The following PTPRD variants were observed in gnomAD, a reference collection of about 807,000 sequenced individuals.
PTPRD encodes the protein receptor-type tyrosine-protein phosphatase delta.
In PTPRD, 34 loss-of-function variants were observed where a neutral mutation model predicts 214.5. The ratio of observed to expected loss-of-function variants is 0.16; its 90% confidence interval spans 0.12 to 0.21. PTPRD has a LOEUF of 0.21. PTPRD is among the 10% of genes least tolerant of loss of function. The pLI, the probability that PTPRD is intolerant of heterozygous loss-of-function variation, is 1.00. For missense variants in PTPRD, 2,545 were observed against 2,398.7 expected (o/e 1.06, Z -1.27); for synonymous variants, 1,128 against 845.7 (o/e 1.33, Z -5.79).
chr9:9,049,942 C>T (rs900056053), intron 10 of PTPRD, among the ~76,000 whole-genome samples: 1 of 152,202 alleles, frequency 6.6e-6, no homozygotes, highest in Non-Finnish European at 1.5e-5. Context: ...GTTCCTGAGT[C>T]ACTTCCCATT....
chr9:10,367,083 A>T (rs1417638614), intron 2 of PTPRD, among the ~76,000 whole-genome samples: 1 of 151,692 alleles, frequency 6.6e-6, no homozygotes, highest in East Asian at 1.9e-4. Context: ...CAAACATAAA[A>T]AAAAAAAAAA....
chr9:9,056,698 T>A (rs2099696859), intron 10 of PTPRD, among the ~76,000 whole-genome samples: 1 of 152,216 alleles, frequency 6.6e-6, no homozygotes, highest in Admixed American at 6.5e-5. Flanking sequence ...TATAAGCCAT[T>A]CAACGACACT....
At chr9:9,299,951 C>A (rs1405766624) in intron 9 of PTPRD, among the ~76,000 whole-genome samples, 1 of 149,778 alleles carries the variant, frequency 6.7e-6, no homozygotes, top group African/African-American at 2.5e-5. Context: ...TATTCCTCCA[C>A]AGTATGTACA....
chr9:8,988,796 T>G (rs1433145851), intron 11 of PTPRD, among the ~76,000 whole-genome samples: 1 of 152,064 alleles, frequency 6.6e-6, no homozygotes. Flanking sequence ...AGTTGGAAAT[T>G]TAATGTGCTT....
chr9:9,679,928 TTAAAA>T (rs1159932579), intron 7 of PTPRD, among the ~76,000 whole-genome samples: 1 of 151,874 alleles, frequency 6.6e-6, no homozygotes, highest in African/African-American at 2.4e-5. Flanking sequence ...AATAGCAAAA[TTAAAA>T]TAAGATATGC....
chr9:9,047,308 T>C (rs1208091268), intron 10 of PTPRD, among the ~76,000 whole-genome samples: 1 of 152,046 alleles, frequency 6.6e-6, no homozygotes, highest in Non-Finnish European at 1.5e-5. Context: ...GAATCAATAC[T>C]CTTAAAATGC....
chr9:9,899,454 A>AAT (rs1443452047), intron 5 of PTPRD, among the ~76,000 whole-genome samples: 2 of 152,134 alleles, frequency 1.3e-5, no homozygotes, highest in African/African-American at 4.8e-5. Flanking sequence ...AAAAAAGTTC[A>AAT]ATAACACAAT....
chr9:9,644,627 C>T (rs532264073), intron 7 of PTPRD, among the ~76,000 whole-genome samples: 6 of 152,122 alleles, frequency 3.9e-5, no homozygotes, highest in African/African-American at 1.4e-4. Flanking sequence ...GGAGGTTCCC[C>T]AGCAAAGGCC....
chr9:9,685,565 A>T (rs2154400248), intron 7 of PTPRD, among the ~76,000 whole-genome samples: 1 of 151,564 alleles, frequency 6.6e-6, no homozygotes, highest in South Asian at 2.1e-4. Context: ...AAAGAAAAAT[A>T]AATCTTAACA....
intron 3 of PTPRD, among the ~76,000 whole-genome samples, chr9:10,132,962 T>TCAAAAGG (rs753864227): frequency 1.3e-5 from 2 of 151,750 alleles, no homozygotes; most frequent in South Asian, 4.1e-4. Context: ...AGATTGTTAT[T>TCAAAAGG]TTGTAGCTTC....
At chr9:9,888,266 T>C (rs1279348290) in intron 5 of PTPRD, among the ~76,000 whole-genome samples, 2 of 152,174 alleles carry the variant, frequency 1.3e-5, no homozygotes, top group African/African-American at 2.4e-5. Flanking sequence ...AAGGTGTTCC[T>C]GTCAGATGAA....
At chr9:10,177,802 C>A (rs991357136) in intron 3 of PTPRD, among the ~76,000 whole-genome samples, 1 of 151,866 alleles carries the variant, frequency 6.6e-6, no homozygotes, top group Non-Finnish European at 1.5e-5. Flanking sequence ...TAAATACTGA[C>A]TCATCTGTAA....
In PTPRD at chr9:8,733,772, T is replaced by C; in HGVS notation, c.64+8A>G. On this transcript the variant is annotated splice_region_variant and intron_variant, in intron 12 of 45. Transcript: ENST00000381196. ...CACAGCCCCCTAGAGAAGGGGAGAA[T>C]GGCTTACTCTCAGCATCCGTGCGGA... 3 of 1,552,098 alleles carry C rather than the reference T, an allele frequency of 1.9e-6. No homozygotes were observed. Among genetic ancestry groups the C allele is most frequent in the South Asian group, 2.4e-5 (2 of 84,078 alleles).
At chr9:8,737,141 A>G (rs1034436821) in intron 11 of PTPRD, among the ~76,000 whole-genome samples, 4 of 152,192 alleles carry the variant, frequency 2.6e-5, no homozygotes, top group Admixed American at 2.6e-4. Flanking sequence ...AGTGCATAAG[A>G]AGACCAAATT....
At chr9:9,487,213 C>A (rs1197735101) in intron 8 of PTPRD, among the ~76,000 whole-genome samples, 2 of 151,822 alleles carry the variant, frequency 1.3e-5, no homozygotes, top group Non-Finnish European at 2.9e-5. Flanking sequence ...CTCCCCCTTC[C>A]CCCCACCCAA....
chr9:9,279,395 T>TA (rs145657482), intron 9 of PTPRD, among the ~76,000 whole-genome samples: 19,271 of 148,454 alleles, frequency 0.13, 1,604 homozygotes, highest in Middle Eastern at 0.2. Flanking sequence ...TAGATAGATA[T>TA]AACACTTTAA....
chr9:9,778,381 A>G (rs1229591877), intron 5 of PTPRD, among the ~76,000 whole-genome samples: 1 of 152,166 alleles, frequency 6.6e-6, no homozygotes, highest in Non-Finnish European at 1.5e-5. Context: ...CCCTGGGGAA[A>G]AGGCAGAGAC....
intron 12 of PTPRD, among the ~76,000 whole-genome samples, chr9:8,705,390 C>G (rs1288646341): frequency 6.6e-6 from 1 of 152,054 alleles, no homozygotes; most frequent in Non-Finnish European, 1.5e-5. Context: ...CAGCTAATTT[C>G]TGTACCTAAA....
At chr9:8,344,980 T>C (rs1856209574) in intron 39 of PTPRD, among the ~76,000 whole-genome samples, 1 of 46,872 alleles carries the variant, frequency 2.1e-5, no homozygotes, top group African/African-American at 3.6e-5. Context: ...TCTCTAAAGC[T>C]GACAATGAGA....
Sources: allele counts gnomAD v4.1 joint callset (sites outside exome capture counted in the v4.1 genomes callset), GRCh38; gene constraint gnomAD v4.1.1; transcripts MANE v1.5; gene names NCBI Gene and HGNC (gene_info 2026-07-23, HGNC 2026-07-21).